Variants in SH3RF2 observed in about 807,000 individuals in gnomAD.
The protein encoded by SH3RF2 is E3 ubiquitin-protein ligase SH3RF2.
Under a neutral mutation model 59.0 loss-of-function variants are expected in SH3RF2, and 43 were observed. That is an observed-to-expected ratio of 0.73 (90% CI 0.57 to 0.94). The LOEUF (loss-of-function observed/expected upper bound fraction) is 0.94. Among genes scored for constraint, SH3RF2 ranks in the 40% least tolerant of loss-of-function variants. The pLI, the probability that SH3RF2 is intolerant of heterozygous loss-of-function variation, is 0.00. For synonymous variants in SH3RF2, 391 were observed against 391.5 expected, an observed-to-expected ratio of 1.00 and a Z score of 0.01; for missense variants, 930 against 940.1, an observed-to-expected ratio of 0.99 and a Z score of 0.14.
intron 2 of SH3RF2, among the ~76,000 whole-genome samples, chr5:145,994,903 A>G (rs370353710): frequency 1.3e-5 from 2 of 152,280 alleles, no homozygotes; most frequent in African/African-American, 4.8e-5. Flanking sequence ...AAGGTTAGCT[A>G]TTGATATTAT....
intron 7 of SH3RF2, among the ~76,000 whole-genome samples, chr5:146,053,401 C>T (rs1762562563): frequency 6.6e-6 from 1 of 152,018 alleles, no homozygotes; most frequent in African/African-American, 2.4e-5. Flanking sequence ...CTTTGGGTCT[C>T]CTCTATTGTG....
At chr5:146,052,831 T>TATG (rs376548683) in intron 7 of SH3RF2, among the ~76,000 whole-genome samples, 291 of 152,304 alleles carry the variant, frequency 1.9e-3, no homozygotes, top group African/African-American at 6.7e-3. Context: ...GAGTTCCTAC[T>TATG]ATTATTATTA....
At chr5:146,023,246 C>A (rs1438265121) in intron 5 of SH3RF2, among the ~76,000 whole-genome samples, 1 of 151,810 alleles carries the variant, frequency 6.6e-6, no homozygotes. Flanking sequence ...TCTCACTCTG[C>A]CACCCAGGCT....
Position 146,047,796 on chromosome 5 carries a change from G to C in SH3RF2, c.1084G>C (p.Val362Leu). ...GQVSTYHPAPVSPGHSTAVVS... is the reference protein window; with the variant it reads ...GQVSTYHPAPLSPGHSTAVVS... Reference sequence around the variant, plus strand: ...GGTCAGCACTTATCACCCCGCACCTGTCTCTCCAGGACATTCCACAGCCGT... The same window carrying C: ...GGTCAGCACTTATCACCCCGCACCTCTCTCTCCAGGACATTCCACAGCCGT... Residue 362 changes from valine to leucine, a missense_variant, in exon 6 of 10, where the codon GTC becomes CTC. By Grantham distance (32) the Val-to-Leu change is conservative (BLOSUM62 1). Coordinates refer to ENST00000359120, the MANE Select transcript of SH3RF2 (RefSeq NM_152550.4). 6.2e-7 allele frequency: 1 copy of C among 1,614,108 alleles called. No individual in the cohort carries two copies. The highest frequency in any genetic ancestry group is 8.5e-7 in the Non-Finnish European group (1 of 1,180,036).
chr5:145,997,807 T>C, intron 2 of SH3RF2: 1 of 1,518,512 alleles, frequency 6.6e-7, no homozygotes, highest in Non-Finnish European at 9.1e-7. Flanking sequence ...AAAATTAAGC[T>C]AGGATCCCCC....
rs1760213169 is a variant in SH3RF2 at position 145,997,457 on chromosome 5, T to C, written c.379-2601T>C. On this transcript the variant is annotated intron_variant, in intron 2 of 9. Coordinates refer to ENST00000359120, the MANE Select transcript of SH3RF2 (RefSeq NM_152550.4). ...GCTGGTGCAAGGATGTTTATGTCTT[T>C]GTGAAAAATGGGATAATGGATACAG... The C allele has an allele frequency of 3.9e-6, 6 of 1,524,920 alleles. No individual in the cohort carries two copies. In the African/African-American group the frequency reaches 6.9e-5, roughly 17 times the overall value. The allele number at this position is 1,524,920 out of a possible 1,614,324, so 94.5% of individuals were successfully genotyped here.
chr5:146,048,936 T>C, intron 6 of SH3RF2, 139 bp from the exon 7 acceptor site: 1 of 964,778 alleles, frequency 1.0e-6, no homozygotes, highest in South Asian at 1.6e-5. Flanking sequence ...GGATTAGAGG[T>C]GAGAACCACC....
intron 5 of SH3RF2, among the ~76,000 whole-genome samples, chr5:146,040,969 C>A (rs569805890): frequency 6.6e-6 from 1 of 152,280 alleles, no homozygotes; most frequent in Admixed American, 6.5e-5. Flanking sequence ...GTGACAGGAA[C>A]GGTGGTCATC....
intron 5 of SH3RF2, among the ~76,000 whole-genome samples, chr5:146,043,432 G>A (rs996988300): frequency 6.6e-6 from 1 of 152,086 alleles, no homozygotes; most frequent in South Asian, 2.1e-4. Flanking sequence ...GATGTTTCCT[G>A]TGGCCTTAAC....
intron 5 of SH3RF2, among the ~76,000 whole-genome samples, chr5:146,033,747 G>T (rs765169019): frequency 5.9e-5 from 9 of 152,106 alleles, no homozygotes; most frequent in Non-Finnish European, 1.3e-4. Flanking sequence ...TGAGATTACA[G>T]GCGTGAGCCA....
At chr5:146,046,624 T>C (rs1762313464) in intron 5 of SH3RF2, among the ~76,000 whole-genome samples, 1 of 152,216 alleles carries the variant, frequency 6.6e-6, no homozygotes, top group Non-Finnish European at 1.5e-5. Context: ...AATACAATGA[T>C]GAACCAGACT....
At chr5:145,999,983 AG>A (rs1760332110) in intron 2 of SH3RF2, 74 bp from the exon 3 acceptor site, 2 of 1,529,688 alleles carry the variant, frequency 1.3e-6, no homozygotes, top group Non-Finnish European at 1.8e-6. Flanking sequence ...GTACAATAAA[AG>A]GGGGAATGCT....
intron 2 of SH3RF2, among the ~76,000 whole-genome samples, chr5:145,951,667 C>T (rs545614576): frequency 1.0e-3 from 158 of 152,256 alleles, no homozygotes; most frequent in African/African-American, 3.7e-3. Flanking sequence ...CTCTGAACAG[C>T]AATATTAGAA....
intron 2 of SH3RF2, among the ~76,000 whole-genome samples, chr5:145,981,367 G>T (rs1465276630): frequency 6.6e-6 from 1 of 152,060 alleles, no homozygotes; most frequent in Non-Finnish European, 1.5e-5. Context: ...CCAAAGTACT[G>T]GAATTGCAGG....
intron 5 of SH3RF2, among the ~76,000 whole-genome samples, chr5:146,040,917 A>G (rs2150010112): frequency 6.6e-6 from 1 of 152,238 alleles, no homozygotes; most frequent in Non-Finnish European, 1.5e-5. Context: ...ACAGCTTCAT[A>G]TTCCACTTGC....
At chr5:146,026,436 T>C (rs151236944) in intron 5 of SH3RF2, among the ~76,000 whole-genome samples, 10 of 152,312 alleles carry the variant, frequency 6.6e-5, no homozygotes, top group East Asian at 3.9e-4. Context: ...AGTTTTCTCA[T>C]TGGAATGACA....
intron 2 of SH3RF2, among the ~76,000 whole-genome samples, chr5:145,951,075 T>C (rs1758175900): frequency 6.6e-6 from 1 of 152,260 alleles, no homozygotes; most frequent in Non-Finnish European, 1.5e-5. Context: ...ACTTTGCATT[T>C]ATGTTTTTAA....
At chr5:145,978,827 G>A (rs1357680342) in intron 2 of SH3RF2, among the ~76,000 whole-genome samples, 1 of 152,176 alleles carries the variant, frequency 6.6e-6, no homozygotes, top group African/African-American at 2.4e-5. Context: ...GCAGGTTTCT[G>A]CCAGGTTTTA....
chr5:145,951,713 T>A (rs1044904640), intron 2 of SH3RF2, among the ~76,000 whole-genome samples: 1 of 152,212 alleles, frequency 6.6e-6, no homozygotes, highest in African/African-American at 2.4e-5. Context: ...GAAACACATC[T>A]GCCCACTCTT....
Sources: allele counts gnomAD v4.1 joint callset (sites outside exome capture counted in the v4.1 genomes callset), GRCh38; gene constraint gnomAD v4.1.1; transcripts MANE v1.5; gene names NCBI Gene and HGNC (gene_info 2026-07-23, HGNC 2026-07-21).